Variants in VWA8 observed in about 807,000 individuals in gnomAD.
VWA8 encodes von Willebrand factor A domain-containing protein 8.
VWA8 carries 221 observed loss-of-function variants against 241.5 expected under a neutral mutation model. The observed-to-expected ratio is 0.91, with a 90% confidence interval of 0.82 to 1.02. The LOEUF is 1.02. VWA8 is among the 50% of genes least tolerant of loss of function. The pLI is 0.00. For synonymous variants in VWA8, 852 were observed against 827.1 expected, an observed-to-expected ratio of 1.03 and a Z score of -0.52; for missense variants, 2,322 against 2,328.7, an observed-to-expected ratio of 1.00 and a Z score of 0.06.
intron 12 of VWA8, among the ~76,000 whole-genome samples, chr13:41,863,413 G>A (rs1873104915): frequency 5.5e-5 from 4 of 73,260 alleles, no homozygotes; most frequent in Non-Finnish European, 1.1e-4. Context: ...GTGTGTGTGT[G>A]TGTGTGTGTG....
At chr13:41,734,336 TA>T (rs796849369) in intron 21 of VWA8, among the ~76,000 whole-genome samples, 37 of 150,758 alleles carry the variant, frequency 2.5e-4, no homozygotes, top group African/African-American at 8.8e-4. Context: ...AGACTCCGTC[TA>T]AAAAAAAACA....
At chr13:41,783,748 A>AC in intron 19 of VWA8, 47 bp downstream of exon 19, 1 of 1,362,244 alleles carries the variant, frequency 7.3e-7, no homozygotes, top group Non-Finnish European at 1.0e-6. Context: ...GGAGTGTACT[A>AC]CCACAATTTA....
intron 20 of VWA8, among the ~76,000 whole-genome samples, chr13:41,771,578 T>A (rs543255220): frequency 1.6e-4 from 24 of 152,254 alleles, no homozygotes; most frequent in African/African-American, 4.8e-4. Context: ...GACTTTTTTT[T>A]ATTATTATTT....
chr13:41,735,758 C>A (rs974843324), intron 21 of VWA8, among the ~76,000 whole-genome samples: 5 of 151,942 alleles, frequency 3.3e-5, no homozygotes, highest in Non-Finnish European at 7.4e-5. Flanking sequence ...TAAGAAAAAA[C>A]GCTTGATTTC....
chr13:41,876,345 C>CT (rs1873898135), intron 9 of VWA8, among the ~76,000 whole-genome samples: 1 of 152,018 alleles, frequency 6.6e-6, no homozygotes, highest in Non-Finnish European at 1.5e-5. Context: ...CATGATCTTT[C>CT]TTTACCTTCT....
At chr13:41,846,863 C>G (rs1872312770) in intron 12 of VWA8, among the ~76,000 whole-genome samples, 2 of 151,908 alleles carry the variant, frequency 1.3e-5, no homozygotes, top group South Asian at 4.2e-4. Context: ...ATGGTGAAAC[C>G]CCATCTCTAC....
At chr13:41,709,819 G>A (rs1269560052) in intron 26 of VWA8, among the ~76,000 whole-genome samples, 1 of 149,308 alleles carries the variant, frequency 6.7e-6, no homozygotes, top group East Asian at 2.0e-4. Flanking sequence ...TTGCCCAGCT[G>A]GAGTGCAATG....
At chr13:41,652,928 GA>G (rs1274415861) in intron 37 of VWA8, among the ~76,000 whole-genome samples, 1 of 152,086 alleles carries the variant, frequency 6.6e-6, no homozygotes. Context: ...GTATTTATTT[GA>G]AATACTCCTG....
intron 12 of VWA8, among the ~76,000 whole-genome samples, chr13:41,854,977 G>A (rs563432168): frequency 6.6e-6 from 1 of 152,202 alleles, no homozygotes; most frequent in East Asian, 1.9e-4. Context: ...GGAGTTATAA[G>A]GTAAATGTTA....
At chr13:41,701,244 A>T in intron 28 of VWA8, 148 bp downstream of exon 28, 1 of 981,636 alleles carries the variant, frequency 1.0e-6, no homozygotes, top group Non-Finnish European at 1.4e-6. Context: ...AGAGGAAATT[A>T]GTTCTAAATT....
chr13:41,613,474 G>C (rs1030484736), intron 38 of VWA8, among the ~76,000 whole-genome samples: 1 of 152,142 alleles, frequency 6.6e-6, no homozygotes, highest in Non-Finnish European at 1.5e-5. Context: ...CCTGAGTATG[G>C]GTGGATCATG....
intron 42 of VWA8, among the ~76,000 whole-genome samples, chr13:41,585,499 A>G (rs1377093335): frequency 6.6e-6 from 1 of 152,144 alleles, no homozygotes; most frequent in East Asian, 1.9e-4. Context: ...CTAACAGGAG[A>G]TTTTATTCAA....
At chr13:41,945,686 A>G (rs1357996275) in intron 2 of VWA8, among the ~76,000 whole-genome samples, 3 of 152,148 alleles carry the variant, frequency 2.0e-5, no homozygotes, top group African/African-American at 7.2e-5. Flanking sequence ...GAATCAGCAA[A>G]CTTGAAGATT....
At chr13:41,639,890 C>T (rs1033718538) in intron 37 of VWA8, among the ~76,000 whole-genome samples, 2 of 152,042 alleles carry the variant, frequency 1.3e-5, no homozygotes, top group Non-Finnish European at 2.9e-5. Context: ...ATGCAATTTA[C>T]CCATGTAACT....
intron 21 of VWA8, among the ~76,000 whole-genome samples, chr13:41,751,995 T>A (rs2045659885): frequency 6.6e-6 from 1 of 152,180 alleles, no homozygotes; most frequent in Admixed American, 6.6e-5. Context: ...CCACACCAAG[T>A]ACCTGCCTCA....
Position 41,590,942 on chromosome 13 carries a change from T to C in VWA8, c.4987-177A>G, listed in dbSNP as rs138761432. Among the ~76,000 whole-genome samples, 109 of 152,354 alleles carry C rather than the reference T, an allele frequency of 7.2e-4. 2 individuals carry two copies. The highest frequency in any genetic ancestry group is 2.5e-3 in the African/African-American group (104 of 41,586). The stretch of plus-strand genomic sequence containing the variant: ...GCTCTGCTGACAAATAAATGCCCTT[T>C]GTCCGTTTTAATTCTTTCAACATAT... On this transcript the variant is annotated intron_variant, in intron 40 of 44. Coordinates refer to ENST00000379310, the MANE Select transcript of VWA8 (RefSeq NM_015058.2).
chr13:41,897,846 G>A (rs1027954136), intron 4 of VWA8, among the ~76,000 whole-genome samples: 3 of 152,130 alleles, frequency 2.0e-5, no homozygotes, highest in Non-Finnish European at 2.9e-5. Flanking sequence ...GGACCCGAGC[G>A]GGTTGCCACT....
At chr13:41,755,113 G>T (rs972775961) in intron 21 of VWA8, among the ~76,000 whole-genome samples, 1 of 151,864 alleles carries the variant, frequency 6.6e-6, no homozygotes, top group Non-Finnish European at 1.5e-5. Context: ...TTTCTTTCTT[G>T]TGGGTATATA....
Position 41,590,723 on chromosome 13 carries a change from C to T in VWA8, c.5029G>A (p.Gly1677Arg), listed in dbSNP as rs375789767. The T allele has an allele frequency of 3.7e-6, 6 of 1,613,970 alleles. No homozygotes were observed. In the African/African-American group the frequency reaches 5.3e-5, roughly 14 times the overall value. Residue 1677 changes from glycine to arginine, a missense_variant, in exon 41 of 45, where the codon GGA (glycine) becomes AGA (arginine). By Grantham distance (125) the Gly-to-Arg change is moderately radical (BLOSUM62 -2). Transcript: ENST00000379310. The stretch of plus-strand genomic sequence containing the variant: ...ATGATCTTGGCATCATCTAATTCTC[C>T]AGTAGCTTGATGTCTTAGCCATTGT... ...ERQWLRHQAT[G>R]ELDDAKIIDG...
Sources: allele counts gnomAD v4.1 joint callset (sites outside exome capture counted in the v4.1 genomes callset), GRCh38; gene constraint gnomAD v4.1.1; transcripts MANE v1.5; gene names NCBI Gene and HGNC (gene_info 2026-07-23, HGNC 2026-07-21).